Variants in DLGAP1 observed in about 807,000 individuals in gnomAD.
DLGAP1 encodes the protein disks large-associated protein 1.
Under a neutral mutation model 90.8 loss-of-function variants are expected in DLGAP1, and 11 were observed. That is an observed-to-expected ratio of 0.12 (90% CI 0.08 to 0.20). The LOEUF (loss-of-function observed/expected upper bound fraction) is 0.20, where lower values mean the gene tolerates loss of function less well. DLGAP1 is among the 10% of genes least tolerant of loss of function. The pLI, the probability that DLGAP1 is intolerant of heterozygous loss-of-function variation, is 1.00. For synonymous variants in DLGAP1, 558 were observed against 540.7 expected, an observed-to-expected ratio of 1.03 and a Z score of -0.44; for missense variants, 1,050 against 1,333.8, an observed-to-expected ratio of 0.79 and a Z score of 3.31.
chr18:4,426,415 T>C (rs992594225), intron 1 of DLGAP1, among the ~76,000 whole-genome samples: 4 of 152,218 alleles, frequency 2.6e-5, no homozygotes, highest in Admixed American at 1.3e-4. Context: ...GCTTGTGCTT[T>C]TGAATTCTTG....
intron 1 of DLGAP1, among the ~76,000 whole-genome samples, chr18:4,318,321 G>A (rs1021230722): frequency 2.6e-5 from 4 of 152,080 alleles, no homozygotes; most frequent in Admixed American, 6.5e-5. Context: ...TGCTTGACAC[G>A]GCAAAATTTA....
chr18:4,229,309 C>T (rs1376396946), intron 1 of DLGAP1, among the ~76,000 whole-genome samples: 2 of 151,872 alleles, frequency 1.3e-5, no homozygotes, highest in African/African-American at 4.8e-5. Context: ...AAATTCTTCA[C>T]AGAAATAGAG....
chr18:3,858,402 G>C (rs1299882093), intron 4 of DLGAP1, among the ~76,000 whole-genome samples: 2 of 151,634 alleles, frequency 1.3e-5, no homozygotes, highest in Non-Finnish European at 2.9e-5. Flanking sequence ...CTTTAACAGA[G>C]CCCTTAATCT....
At chr18:3,905,456 C>G (rs1409044790) in intron 3 of DLGAP1, among the ~76,000 whole-genome samples, 1 of 150,050 alleles carries the variant, frequency 6.7e-6, no homozygotes, top group Non-Finnish European at 1.5e-5. Flanking sequence ...TGGGAAGTCA[C>G]CCTTATCAAT....
chr18:4,044,183 T>C (rs2075015549), intron 2 of DLGAP1, among the ~76,000 whole-genome samples: 2 of 152,220 alleles, frequency 1.3e-5, no homozygotes, highest in African/African-American at 2.4e-5. Flanking sequence ...TACAGAAGTC[T>C]GGGTTTCTCT....
intron 1 of DLGAP1, among the ~76,000 whole-genome samples, chr18:4,248,090 T>G (rs1394854922): frequency 6.6e-6 from 1 of 152,122 alleles, no homozygotes; most frequent in African/African-American, 2.4e-5. Flanking sequence ...AATGGTAGCG[T>G]TAGACTTGGC....
intron 2 of DLGAP1, among the ~76,000 whole-genome samples, chr18:4,042,479 T>C (rs892936487): frequency 2.0e-5 from 3 of 152,214 alleles, no homozygotes; most frequent in African/African-American, 7.2e-5. Flanking sequence ...TGTCCACACC[T>C]GTAATCCCAG....
chr18:4,238,410 T>A (rs2078462789), intron 1 of DLGAP1, among the ~76,000 whole-genome samples: 1 of 152,232 alleles, frequency 6.6e-6, no homozygotes, highest in Non-Finnish European at 1.5e-5. Context: ...GCTAGCTTTT[T>A]AATTTAAGTC....
intron 9 of DLGAP1, among the ~76,000 whole-genome samples, chr18:3,559,185 TAGATGATTCTGATGATTC>T (rs1223702787): frequency 2.6e-5 from 4 of 152,226 alleles, no homozygotes; most frequent in Admixed American, 6.5e-5. Flanking sequence ...TTTTCTGAAA[TAGATGATTCTGATGATTC>T]AGATGATTCT....
At chr18:4,408,106 A>C (rs1420766111) in intron 1 of DLGAP1, among the ~76,000 whole-genome samples, 25 of 152,114 alleles carry the variant, frequency 1.6e-4, no homozygotes, top group Admixed American at 1.6e-3. Flanking sequence ...TGGTAGAAGG[A>C]AAGAAGAAAA....
At chr18:4,432,235 A>G (rs2083298832) in intron 1 of DLGAP1, among the ~76,000 whole-genome samples, 1 of 152,192 alleles carries the variant, frequency 6.6e-6, no homozygotes, top group African/African-American at 2.4e-5. Flanking sequence ...AAATGGGTAA[A>G]TTATGTTGAA....
chr18:4,109,278 T>C (rs2075928180), intron 2 of DLGAP1, among the ~76,000 whole-genome samples: 1 of 151,994 alleles, frequency 6.6e-6, no homozygotes, highest in Non-Finnish European at 1.5e-5. Context: ...AAAAGGCTCA[T>C]GTAATTATAT....
At chr18:3,650,326 G>A (rs74898217) in intron 7 of DLGAP1, among the ~76,000 whole-genome samples, 13,615 of 152,142 alleles carry the variant, frequency 0.089, 1,134 homozygotes, top group African/African-American at 0.22. Flanking sequence ...TTACAGTTGT[G>A]AGTCACCGTG....
intron 1 of DLGAP1, among the ~76,000 whole-genome samples, chr18:4,180,081 C>T (rs1359565563): frequency 6.6e-6 from 1 of 152,164 alleles, no homozygotes; most frequent in Non-Finnish European, 1.5e-5. Context: ...CCCTCGTGAT[C>T]TCCCTCTCTT....
intron 7 of DLGAP1, among the ~76,000 whole-genome samples, chr18:3,600,829 T>TATATATAGATATATATAG (rs2056912101): frequency 1.1e-4 from 3 of 26,984 alleles, no homozygotes; most frequent in Non-Finnish European, 2.1e-4. Context: ...GATATATAGA[T>TATATATAGATATATATAG]ATATATAGAT....
intron 3 of DLGAP1, among the ~76,000 whole-genome samples, chr18:3,960,578 C>T (rs1037518840): frequency 3.3e-5 from 5 of 152,188 alleles, no homozygotes; most frequent in Non-Finnish European, 5.9e-5. Flanking sequence ...AAAATAATAA[C>T]ATAAAGAAAC....
chr18:4,072,618 T>A (rs936699374), intron 2 of DLGAP1, among the ~76,000 whole-genome samples: 2 of 152,072 alleles, frequency 1.3e-5, no homozygotes, highest in Admixed American at 1.3e-4. Context: ...TATGGCTGCA[T>A]GCCACTGCAC....
intron 2 of DLGAP1, among the ~76,000 whole-genome samples, chr18:4,129,175 A>T (rs1454855469): frequency 6.6e-6 from 1 of 152,206 alleles, no homozygotes. Flanking sequence ...TCACTGCATG[A>T]AGCACAAGAA....
chr18:3,632,929 G>A (rs1003712429), intron 7 of DLGAP1, among the ~76,000 whole-genome samples: 1 of 152,138 alleles, frequency 6.6e-6, no homozygotes, highest in Non-Finnish European at 1.5e-5. Context: ...TTGTTTTTGT[G>A]TTTTGAGTTG....
Sources: gnomAD v4.1 joint callset for allele counts (sites outside exome capture counted in the v4.1 genomes callset) on GRCh38, gnomAD v4.1.1 for gene constraint, MANE v1.5 for transcripts, NCBI Gene and HGNC (gene_info 2026-07-23, HGNC 2026-07-21) for gene names.